KCTD1: variants seen among roughly 807,000 people sequenced by gnomAD.
The protein encoded by KCTD1 is BTB/POZ domain-containing protein KCTD1.
KCTD1 carries 24 observed loss-of-function variants against 66.0 expected under a neutral mutation model. The observed-to-expected ratio is 0.36, with a 90% CI of 0.26 to 0.51. The LOEUF is 0.51. Ranked by LOEUF, KCTD1 falls within the 20% of genes least tolerant of loss-of-function variation. KCTD1 has a pLI of 0.95. For missense variants in KCTD1, 943 were observed against 1,205.2 expected (o/e 0.78, Z 3.22); for synonymous variants, 511 against 517.2 (o/e 0.99, Z 0.16).
chr18:26,557,543 G>A (rs939728310), intron 1 of KCTD1, among the ~76,000 whole-genome samples: 1 of 152,084 alleles, frequency 6.6e-6, no homozygotes, highest in Non-Finnish European at 1.5e-5. Context: ...GCATATTCAC[G>A]GGTGCCAACT....
chr18:26,624,093 C>G (rs1459161285), intron 1 of KCTD1, among the ~76,000 whole-genome samples: 1 of 152,130 alleles, frequency 6.6e-6, no homozygotes, highest in East Asian at 1.9e-4. Context: ...GAACTTTGAA[C>G]TTAAGAGAGA....
rs538995669 is a variant in KCTD1 at position 26,596,592 on chromosome 18, A to G, written c.-16+32555T>C. Among the ~76,000 whole-genome samples, 35 of 152,368 alleles carry G rather than the reference A, an allele frequency of 2.3e-4. 1 individual carries two copies. Among genetic ancestry groups the G allele is most frequent in the Admixed American group, 7.8e-4 (12 of 15,306 alleles). On this transcript the variant is annotated intron_variant, in intron 1 of 4. Transcript: ENST00000317932. Reference sequence around the variant, plus strand: ...AACAACTGATGCTTTGAATTCAGATAGATTTGCATTTGGACTCTACATTAC... The same window carrying G: ...AACAACTGATGCTTTGAATTCAGATGGATTTGCATTTGGACTCTACATTAC...
chr18:26,541,821 A>C (rs528785052), intron 1 of KCTD1, among the ~76,000 whole-genome samples: 1 of 152,274 alleles, frequency 6.6e-6, no homozygotes, highest in African/African-American at 2.4e-5. Flanking sequence ...AAGATCATTT[A>C]TTTCTGGGCC....
intron 1 of KCTD1, among the ~76,000 whole-genome samples, chr18:26,586,948 G>A (rs941335115): frequency 7.9e-5 from 12 of 152,368 alleles, no homozygotes; most frequent in Middle Eastern, 3.4e-3. Context: ...AGGAGCAAGT[G>A]CTGATGGAGA....
intron 2 of KCTD1, among the ~76,000 whole-genome samples, chr18:26,496,016 A>G (rs1368510265): frequency 2.6e-5 from 4 of 152,202 alleles, no homozygotes; most frequent in Non-Finnish European, 4.4e-5. Context: ...TTCATTATGC[A>G]TGTGGCTAAG....
intron 1 of KCTD1, among the ~76,000 whole-genome samples, chr18:26,527,527 C>T (rs1182056984): frequency 1.4e-5 from 2 of 147,890 alleles, no homozygotes; most frequent in Admixed American, 6.8e-5. Flanking sequence ...CGAGGTGGAA[C>T]ATAGAGGACT....
chr18:26,511,468 T>C (rs1983324562), intron 1 of KCTD1, among the ~76,000 whole-genome samples: 1 of 152,198 alleles, frequency 6.6e-6, no homozygotes, highest in Non-Finnish European at 1.5e-5. Context: ...GTACACTGCC[T>C]GTGTTTCCTG....
intron 1 of KCTD1, among the ~76,000 whole-genome samples, chr18:26,559,187 T>G (rs1985785562): frequency 6.6e-6 from 1 of 152,112 alleles, no homozygotes; most frequent in Non-Finnish European, 1.5e-5. Context: ...TGCTATTTGG[T>G]GGCACAACAG....
chr18:26,475,313 G>A (rs1981284053), intron 3 of KCTD1, among the ~76,000 whole-genome samples: 1 of 152,018 alleles, frequency 6.6e-6, no homozygotes, highest in Admixed American at 6.6e-5. Context: ...TTACTTAAGT[G>A]GGTTTGCACT....
At chr18:26,594,554 G>A (rs959439155) in intron 1 of KCTD1, among the ~76,000 whole-genome samples, 3 of 152,128 alleles carry the variant, frequency 2.0e-5, no homozygotes, top group African/African-American at 7.2e-5. Context: ...GGGGATCCAG[G>A]TAACTGCAGC....
At chr18:26,539,602 C>T (rs1339922570) in intron 1 of KCTD1, among the ~76,000 whole-genome samples, 1 of 152,212 alleles carries the variant, frequency 6.6e-6, no homozygotes, top group East Asian at 1.9e-4. Flanking sequence ...TCAAGTTTGT[C>T]TCTGCAGTCT....
At chr18:26,501,358 A>G (rs1982753556) in intron 1 of KCTD1, 108 bp from the exon 2 acceptor site, 1 of 993,370 alleles carries the variant, frequency 1.0e-6, no homozygotes, top group Non-Finnish European at 1.4e-6. Flanking sequence ...TCATTCAGTA[A>G]TAAAACCTGA....
intron 1 of KCTD1, among the ~76,000 whole-genome samples, chr18:26,593,938 A>G (rs1395118554): frequency 2.6e-5 from 4 of 152,180 alleles, no homozygotes; most frequent in Non-Finnish European, 4.4e-5. Context: ...GAGGAGAAAG[A>G]AGAGAAGGGG....
At chr18:26,602,708 A>G (rs1328456806) in intron 1 of KCTD1, among the ~76,000 whole-genome samples, 1 of 152,216 alleles carries the variant, frequency 6.6e-6, no homozygotes, top group African/African-American at 2.4e-5. Context: ...AATTCCCCTT[A>G]GAGATCTGTT....
At chr18:26,647,331 A>AC (rs56004377) in intron 1 of KCTD1, among the ~76,000 whole-genome samples, 14,585 of 116,268 alleles carry the variant, frequency 0.13, 1,260 homozygotes, top group African/African-American at 0.26. Flanking sequence ...AGATAGTGAA[A>AC]CCCCCCCCCC....
intron 1 of KCTD1, among the ~76,000 whole-genome samples, chr18:26,542,223 G>A (rs766345165): frequency 1.3e-4 from 20 of 152,088 alleles, no homozygotes; most frequent in Non-Finnish European, 1.2e-4. Flanking sequence ...TTAAAGCTAC[G>A]TTTTCTTTCA....
chr18:26,590,804 A>G (rs575055090), intron 1 of KCTD1, among the ~76,000 whole-genome samples: 1 of 152,124 alleles, frequency 6.6e-6, no homozygotes, highest in Non-Finnish European at 1.5e-5. Context: ...ATCACATTTT[A>G]TCTTGTGTTC....
chr18:26,572,267 T>A (rs774445712), intron 1 of KCTD1, among the ~76,000 whole-genome samples: 1 of 151,866 alleles, frequency 6.6e-6, no homozygotes, highest in African/African-American at 2.4e-5. Flanking sequence ...ACCATATTGG[T>A]CAGGCTGGTC....
intron 1 of KCTD1, among the ~76,000 whole-genome samples, chr18:26,655,288 C>A (rs1988108859): frequency 6.6e-6 from 1 of 152,188 alleles, no homozygotes; most frequent in African/African-American, 2.4e-5. Context: ...TTTTAATTTG[C>A]TAAAACAATC....
Sources: gnomAD v4.1 joint callset for allele counts (sites outside exome capture counted in the v4.1 genomes callset) on GRCh38, gnomAD v4.1.1 for gene constraint, MANE v1.5 for transcripts, NCBI Gene and HGNC (gene_info 2026-07-23, HGNC 2026-07-21) for gene names.